The following LSAMP variants were observed in gnomAD, a reference collection of about 807,000 sequenced individuals.
LSAMP encodes the protein limbic system associated membrane protein.
Under a neutral mutation model 38.6 loss-of-function variants are expected in LSAMP, and 7 were observed. That is an observed-to-expected ratio of 0.18 (90% CI 0.10 to 0.34). LSAMP has a LOEUF of 0.34. Ranked by LOEUF, LSAMP falls within the 10% of genes least tolerant of loss-of-function variation. The pLI is 1.00. For synonymous variants in LSAMP, 154 were observed against 166.8 expected, an observed-to-expected ratio of 0.92 and a Z score of 0.59; for missense variants, 313 against 420.0, an observed-to-expected ratio of 0.75 and a Z score of 2.23.
intron 1 of LSAMP, among the ~76,000 whole-genome samples, chr3:116,203,547 C>T (rs2046020785): frequency 8.3e-6 from 1 of 120,852 alleles, no homozygotes; most frequent in Non-Finnish European, 1.7e-5. Flanking sequence ...TATCCCTCCC[C>T]CCACCCCCCA....
chr3:116,060,087 C>T (rs1344748905), intron 2 of LSAMP, among the ~76,000 whole-genome samples: 1 of 152,036 alleles, frequency 6.6e-6, no homozygotes, highest in Non-Finnish European at 1.5e-5. Flanking sequence ...CTTTTCCTTT[C>T]TTCTCTCTTC....
At chr3:116,054,086 A>T (rs549620377) in intron 2 of LSAMP, among the ~76,000 whole-genome samples, 61 of 152,274 alleles carry the variant, frequency 4.0e-4, no homozygotes, top group African/African-American at 1.4e-3. Flanking sequence ...GTCCTTCTTG[A>T]GGCTGAAGAA....
chr3:116,097,772 G>C (rs1267345530), intron 1 of LSAMP, among the ~76,000 whole-genome samples: 1 of 150,822 alleles, frequency 6.6e-6, no homozygotes, highest in African/African-American at 2.4e-5. Flanking sequence ...TTTTGCTCTT[G>C]CTGCCAAGGC....
intron 3 of LSAMP, among the ~76,000 whole-genome samples, chr3:115,923,706 T>G (rs1937435038): frequency 6.6e-6 from 1 of 152,210 alleles, no homozygotes; most frequent in Admixed American, 6.5e-5. Flanking sequence ...TCCATTTTTT[T>G]TATTGTCTCT....
chr3:115,897,461 G>A lies in LSAMP; in HGVS notation c.515-44844C>T, dbSNP rs78979067. 4.3e-3 allele frequency among the ~76,000 whole-genome samples: 658 copies of A among 152,096 alleles called. 5 individuals carry two copies. Among genetic ancestry groups the A allele is most frequent in the East Asian group, 0.041 (213 of 5,150 alleles). On this transcript the variant is annotated intron_variant, in intron 3 of 6. Coordinates refer to ENST00000490035, the MANE Select transcript of LSAMP (RefSeq NM_002338.5). The stretch of plus-strand genomic sequence containing the variant: ...AGAAGAGGAGAGGAACTGAATGGAG[G>A]GCTATGAAATGGGAAAAGTGGTAAA...
intron 1 of LSAMP, among the ~76,000 whole-genome samples, chr3:116,334,994 C>T (rs1436426381): frequency 6.6e-6 from 1 of 151,836 alleles, no homozygotes; most frequent in African/African-American, 2.4e-5. Flanking sequence ...AATAGTTCCA[C>T]AAAAAACCTG....
intron 1 of LSAMP, among the ~76,000 whole-genome samples, chr3:116,087,266 C>T (rs540938843): frequency 2.6e-5 from 4 of 152,216 alleles, no homozygotes; most frequent in East Asian, 1.9e-4. Context: ...GATGAAGAAG[C>T]CAATTTTGTA....
chr3:116,318,013 G>C (rs2047655753), intron 1 of LSAMP, among the ~76,000 whole-genome samples: 1 of 150,884 alleles, frequency 6.6e-6, no homozygotes, highest in Admixed American at 6.6e-5. Flanking sequence ...GTGGGTGCCT[G>C]TAATCCCAGC....
chr3:115,834,108 T>G (rs188983263), intron 6 of LSAMP, among the ~76,000 whole-genome samples: 1 of 152,160 alleles, frequency 6.6e-6, no homozygotes, highest in African/African-American at 2.4e-5. Flanking sequence ...TCCGGTTGAG[T>G]TGATTAACCT....
chr3:116,170,908 A>C (rs1439686354), intron 1 of LSAMP, among the ~76,000 whole-genome samples: 1 of 151,848 alleles, frequency 6.6e-6, no homozygotes, highest in African/African-American at 2.4e-5. Flanking sequence ...TTCTTTCTCT[A>C]TGTTCGTTCA....
chr3:116,120,295 A>G (rs181852301), intron 1 of LSAMP, among the ~76,000 whole-genome samples: 1 of 152,312 alleles, frequency 6.6e-6, no homozygotes, highest in African/African-American at 2.4e-5. Flanking sequence ...TTACGGCGTA[A>G]GACATAAAAC....
intron 2 of LSAMP, among the ~76,000 whole-genome samples, chr3:116,054,049 TA>T (rs1397231352): frequency 6.6e-6 from 1 of 152,204 alleles, no homozygotes; most frequent in Non-Finnish European, 1.5e-5. Flanking sequence ...CTCACTGGGC[TA>T]AAAGCAAAGT....
chr3:116,440,636 T>C (rs989468855), intron 1 of LSAMP, among the ~76,000 whole-genome samples: 2 of 152,184 alleles, frequency 1.3e-5, no homozygotes, highest in South Asian at 4.1e-4. Context: ...CACAGGTACA[T>C]AAATATTCTT....
At chr3:116,009,104 A>G (rs1940250377) in intron 3 of LSAMP, among the ~76,000 whole-genome samples, 1 of 152,232 alleles carries the variant, frequency 6.6e-6, no homozygotes, top group African/African-American at 2.4e-5. Context: ...TGAAACAGAA[A>G]AATTGAAAAT....
At chr3:115,928,433 CCTT>C (rs1576227100) in intron 3 of LSAMP, among the ~76,000 whole-genome samples, 1 of 152,284 alleles carries the variant, frequency 6.6e-6, no homozygotes, top group South Asian at 2.1e-4. Context: ...AAAAATGTCT[CCTT>C]CTCAAAGACT....
chr3:116,354,817 C>T (rs891543848), intron 1 of LSAMP, among the ~76,000 whole-genome samples: 1 of 148,490 alleles, frequency 6.7e-6, no homozygotes, highest in Non-Finnish European at 1.5e-5. Context: ...ACATAAAAAG[C>T]TCTCTGTCTC....
intron 3 of LSAMP, among the ~76,000 whole-genome samples, chr3:115,865,167 C>T (rs972367399): frequency 6.6e-6 from 1 of 152,136 alleles, no homozygotes; most frequent in African/African-American, 2.4e-5. Context: ...TCAGTTTATT[C>T]AAGTCTTTGG....
intron 1 of LSAMP, among the ~76,000 whole-genome samples, chr3:116,428,619 T>C (rs1436020092): frequency 1.3e-5 from 2 of 152,150 alleles, no homozygotes; most frequent in Non-Finnish European, 2.9e-5. Flanking sequence ...ATGCTTAGTG[T>C]GTATATGGAA....
rs183298380 is a variant in LSAMP, at chr3:116,410,850, G to T, written c.155+34027C>A. ...GCATAAGCAGAAAATGTTACATAAT[G>T]GCTTTTTCACTTTTTCATAGGGTCT... On this transcript the variant is annotated intron_variant, in intron 1 of 6. Transcript: ENST00000490035. Among the ~76,000 whole-genome samples the T allele has an allele frequency of 9.9e-4, 150 of 152,170 alleles. 1 individual carries two copies. The highest frequency in any genetic ancestry group is 2.6e-3 in the Admixed American group (39 of 15,282).
Sources: allele counts gnomAD v4.1 joint callset (sites outside exome capture counted in the v4.1 genomes callset), GRCh38; gene constraint gnomAD v4.1.1; transcripts MANE v1.5; gene names NCBI Gene and HGNC (gene_info 2026-07-23, HGNC 2026-07-21).